SLC2A1: variants seen among roughly 807,000 people sequenced by gnomAD.
SLC2A1 encodes solute carrier family 2 member 1.
SLC2A1 carries 4 observed loss-of-function variants against 46.6 expected under a neutral mutation model. The ratio of observed to expected loss-of-function variants is 0.09; its 90% CI spans 0.04 to 0.20. The LOEUF (loss-of-function observed/expected upper bound fraction) is 0.20. Among genes scored for constraint, SLC2A1 ranks in the 10% least tolerant of loss-of-function variants. The pLI, the probability that SLC2A1 is intolerant of heterozygous loss-of-function variation, is 1.00. For synonymous variants in SLC2A1, 253 were observed against 270.0 expected (o/e 0.94, Z 0.62); for missense variants, 352 against 667.0 (o/e 0.53, Z 5.20).
At chr1:42,957,165 A>G (rs773951973) in intron 1 of SLC2A1, among the ~76,000 whole-genome samples, 4 of 152,242 alleles carry the variant, frequency 2.6e-5, no homozygotes, top group Non-Finnish European at 5.9e-5. Flanking sequence ...AGTGGCCTGC[A>G]AGAGCCCTGA....
intron 1 of SLC2A1, among the ~76,000 whole-genome samples, chr1:42,949,490 A>C (rs1643698225): frequency 6.6e-6 from 1 of 152,210 alleles, no homozygotes; most frequent in African/African-American, 2.4e-5. Flanking sequence ...ATGGACTAAC[A>C]GTCCAAAACC....
At chr1:42,946,430 G>T (rs1336727823) in intron 1 of SLC2A1, among the ~76,000 whole-genome samples, 1 of 152,056 alleles carries the variant, frequency 6.6e-6, no homozygotes, top group East Asian at 1.9e-4. Context: ...GTACAGTGGG[G>T]TGGGGGCAGT....
chr1:42,939,537 G>A (rs960291229), intron 2 of SLC2A1, among the ~76,000 whole-genome samples: 10 of 152,168 alleles, frequency 6.6e-5, no homozygotes, highest in African/African-American at 2.4e-4. Flanking sequence ...GTGATGCCCT[G>A]GTCAGAGGTT....
intron 1 of SLC2A1, chr1:42,952,085 C>G (rs997215746): frequency 1.6e-5 from 7 of 447,580 alleles, no homozygotes; most frequent in African/African-American, 4.0e-5. Context: ...ATGGGGTCAA[C>G]AGATGATGGG....
At chr1:42,956,012 G>T (rs1251441137) in intron 1 of SLC2A1, among the ~76,000 whole-genome samples, 4 of 152,154 alleles carry the variant, frequency 2.6e-5, no homozygotes, top group Non-Finnish European at 5.9e-5. Context: ...TTCAGATCTT[G>T]TGTGAAAGGC....
At chr1:42,932,464 T>C (rs1189912080) in intron 2 of SLC2A1, among the ~76,000 whole-genome samples, 1 of 152,180 alleles carries the variant, frequency 6.6e-6, no homozygotes, top group African/African-American at 2.4e-5. Context: ...CCCGTGCTCA[T>C]AGAATCTAAA....
chr1:42,958,461 G>T (rs1320500238), intron 1 of SLC2A1, among the ~76,000 whole-genome samples, 173 bp downstream of exon 1: 2 of 150,436 alleles, frequency 1.3e-5, no homozygotes, highest in Non-Finnish European at 3.0e-5. Context: ...TGCGGCCAGC[G>T]GCCCGGCGGG....
chr1:42,941,029 C>T (rs12130264), intron 2 of SLC2A1, among the ~76,000 whole-genome samples: 8,217 of 152,306 alleles, frequency 0.054, 310 homozygotes, highest in Non-Finnish European at 0.084. Flanking sequence ...CTGTTGCCCT[C>T]GCACGGAATT....
intron 1 of SLC2A1, among the ~76,000 whole-genome samples, chr1:42,953,853 C>G (rs1570607942): frequency 1.3e-5 from 2 of 152,190 alleles, no homozygotes; most frequent in Non-Finnish European, 2.9e-5. Context: ...AGACAAGGAT[C>G]ATCTTGGGGC....
chr1:42,934,298 A>C (rs765484382), intron 2 of SLC2A1, among the ~76,000 whole-genome samples: 15 of 152,164 alleles, frequency 9.9e-5, no homozygotes, highest in South Asian at 2.1e-4. Context: ...TATGGGGTGG[A>C]GGAAGGGTGA....
chr1:42,942,978 G>A (rs1643613422), intron 2 of SLC2A1: 2 of 572,026 alleles, frequency 3.5e-6, no homozygotes, highest in Non-Finnish European at 6.3e-6. Context: ...TGGGGGGTTG[G>A]TCAAGAGGGC....
At chr1:42,931,283 C>G (rs547292549) in intron 2 of SLC2A1, 77 bp from the exon 3 acceptor site, 1 of 1,468,706 alleles carries the variant, frequency 6.8e-7, no homozygotes, top group East Asian at 2.3e-5. Context: ...CCCTTGCACC[C>G]CTCCCTAAGA....
intron 2 of SLC2A1, chr1:42,942,987 G>A (rs895149326): frequency 1.7e-6 from 1 of 587,452 alleles, no homozygotes; most frequent in Non-Finnish European, 3.0e-6. Context: ...GGTCAAGAGG[G>A]CCTATACAAG....
intron 2 of SLC2A1, among the ~76,000 whole-genome samples, chr1:42,939,909 T>G (rs1014484674): frequency 7.0e-6 from 1 of 141,888 alleles, no homozygotes; most frequent in Non-Finnish European, 1.5e-5. Context: ...GCCAAGATCA[T>G]GCCACTGTAC....
chr1:42,945,159 A>T (rs60019882), intron 1 of SLC2A1, among the ~76,000 whole-genome samples: 2,870 of 152,336 alleles, frequency 0.019, 58 homozygotes, highest in African/African-American at 0.038. Flanking sequence ...TATTACCTGC[A>T]TTTGCTCATG....
rs149047158 is a variant in SLC2A1, at chr1:42,930,827, C to G, written c.315G>C (p.Val105=). The part of the protein sequence containing the change: ...SMLMMNLLAF[V]SAVLMGFSKL... ...TCGAGAAGCCCATGAGCACGGCGGACACGAAGGCCAGCAGGTTCATCATCA... is the reference window on the plus strand; with the variant it reads ...TCGAGAAGCCCATGAGCACGGCGGAGACGAAGGCCAGCAGGTTCATCATCA... Residue 105 remains valine (V), a synonymous_variant, in exon 4 of 10, where the codon GTG becomes GTC. Transcript: ENST00000426263. This position sits in a 1 kb window ranked among gnomAD's most constrained non-coding sequence, Gnocchi z 6.2. 1.8e-5 allele frequency: 29 copies of G among 1,600,682 alleles called. No individual in the cohort carries two copies. Among genetic ancestry groups the G allele is most frequent in the Middle Eastern group, 1.6e-4 (1 of 6,082 alleles).
At chr1:42,939,526 C>T (rs907792081) in intron 2 of SLC2A1, among the ~76,000 whole-genome samples, 8 of 152,228 alleles carry the variant, frequency 5.3e-5, no homozygotes, top group African/African-American at 1.7e-4. Flanking sequence ...TGACCAGCCC[C>T]GTGATGCCCT....
chr1:42,932,018 C>T (rs754021132), intron 2 of SLC2A1, among the ~76,000 whole-genome samples: 10 of 152,114 alleles, frequency 6.6e-5, no homozygotes, highest in Non-Finnish European at 1.5e-4. Context: ...ACTCCCTGAC[C>T]GCACTGAGGG....
At chr1:42,939,323 T>A (rs747612989) in intron 2 of SLC2A1, among the ~76,000 whole-genome samples, 2 of 152,256 alleles carry the variant, frequency 1.3e-5, no homozygotes, top group Non-Finnish European at 2.9e-5. Flanking sequence ...GTTTGTAAAG[T>A]ACAAAAGTCA....
Sources: allele counts gnomAD v4.1 joint callset (sites outside exome capture counted in the v4.1 genomes callset), GRCh38; gene constraint gnomAD v4.1.1; non-coding constraint Gnocchi (gnomAD v3.1); transcripts MANE v1.5; gene names NCBI Gene and HGNC (gene_info 2026-07-23, HGNC 2026-07-21).